Variants in PPFIBP2 observed in about 807,000 individuals in gnomAD.
PPFIBP2 encodes the protein liprin-beta-2.
A neutral mutation model predicts 118.3 loss-of-function variants in PPFIBP2; 118 were observed. That is an observed-to-expected ratio of 1.00 (90% CI 0.86 to 1.16). The LOEUF (loss-of-function observed/expected upper bound fraction) is 1.16. Among genes scored for constraint, PPFIBP2 ranks in the 50% most tolerant of loss-of-function variants. The pLI, the probability that PPFIBP2 is intolerant of heterozygous loss-of-function variation, is 0.00. For synonymous variants in PPFIBP2, 414 were observed against 397.4 expected, an observed-to-expected ratio of 1.04 and a Z score of -0.50; for missense variants, 1,195 against 1,073.1, an observed-to-expected ratio of 1.11 and a Z score of -1.59.
At chr11:7,567,706 G>A (rs946382693) in intron 3 of PPFIBP2, among the ~76,000 whole-genome samples, 6 of 152,148 alleles carry the variant, frequency 3.9e-5, no homozygotes, top group African/African-American at 1.2e-4. Flanking sequence ...AATCTGTATG[G>A]GAATAGAATT....
chr11:7,578,263 C>T (rs1856750660), intron 3 of PPFIBP2, among the ~76,000 whole-genome samples: 1 of 152,216 alleles, frequency 6.6e-6, no homozygotes, highest in Non-Finnish European at 1.5e-5. Flanking sequence ...TCCTAGAATT[C>T]AGGCTGTTTC....
At chr11:7,578,160 C>A (rs6578882) in intron 3 of PPFIBP2, among the ~76,000 whole-genome samples, 56,401 of 152,096 alleles carry the variant, frequency 0.37, 10,671 homozygotes, top group Middle Eastern at 0.47. Flanking sequence ...GTTTATGTTG[C>A]AAGTTGTTCA....
At chr11:7,660,950 A>G (rs1293042811), downstream of PPFIBP2, among the ~76,000 whole-genome samples, 1 of 151,924 alleles carries the variant, frequency 6.6e-6, no homozygotes, top group Non-Finnish European at 1.5e-5. Context: ...TGTTTGTAGT[A>G]TGCTCTGATG....
chr11:7,577,646 A>G, intron 3 of PPFIBP2: 1 of 454,514 alleles, frequency 2.2e-6, no homozygotes, highest in South Asian at 1.6e-5. Flanking sequence ...AGGGTAAGTG[A>G]CTGGCTGCTT....
intron 3 of PPFIBP2, chr11:7,577,395 C>G (rs1200119775): frequency 2.7e-6 from 1 of 366,360 alleles, no homozygotes; most frequent in Non-Finnish European, 5.4e-6. Context: ...GCACGGTCTG[C>G]TCTGTGTCGC....
At position 7,653,616 on chromosome 11, in the gene PPFIBP2, A is replaced by AGGCC; in HGVS notation, c.*399_*402dup. 7.7e-7 allele frequency: 1 copy of AGGCC among 1,296,480 alleles called. No homozygotes were observed. Among genetic ancestry groups the AGGCC allele is most frequent in the Non-Finnish European group, 1.0e-6 (1 of 993,858 alleles). 80.3% of individuals were successfully genotyped at this position (1,296,480 alleles called of 1,614,324 possible). A position where few individuals can be genotyped will look rare whatever the true frequency, so the allele number is the denominator to read the frequency against. On this transcript the variant is annotated 3_prime_UTR_variant, in exon 24 of 24. Transcript: ENST00000299492. ...GTTGAGGGAAAAGCTCAAGTGCCTT[A>AGGCC]GGCCCGTGGACCACAGTCTTGGCTG...
intron 1 of PPFIBP2, among the ~76,000 whole-genome samples, chr11:7,519,891 C>G (rs1487687740): frequency 6.6e-6 from 1 of 152,154 alleles, no homozygotes; most frequent in Non-Finnish European, 1.5e-5. Flanking sequence ...CCCTGTTAAC[C>G]AGGTTCCCGG....
At chr11:7,643,733 CTG>C in intron 17 of PPFIBP2, among the ~76,000 whole-genome samples, 1 of 152,318 alleles carries the variant, frequency 6.6e-6, no homozygotes, top group Admixed American at 6.5e-5. Context: ...AGCTTTAAAA[CTG>C]TTGTTGCTAG....
At chr11:7,600,611 G>A (rs999770116) in intron 5 of PPFIBP2, among the ~76,000 whole-genome samples, 6 of 152,206 alleles carry the variant, frequency 3.9e-5, no homozygotes, top group African/African-American at 1.2e-4. Flanking sequence ...GAGCCAAGGC[G>A]AGCCTGCTGC....
intron 8 of PPFIBP2, among the ~76,000 whole-genome samples, chr11:7,627,401 T>C (rs766069640): frequency 1.1e-4 from 17 of 152,170 alleles, no homozygotes; most frequent in Non-Finnish European, 2.2e-4. Context: ...TCTTGTTAGA[T>C]ACAACAAGCA....
intron 4 of PPFIBP2, 69 bp downstream of exon 4, chr11:7,593,293 G>T: frequency 6.4e-7 from 1 of 1,558,986 alleles, no homozygotes; most frequent in South Asian, 1.2e-5. Context: ...CTAAGTGGAA[G>T]GGAAGCCCAA....
chr11:7,597,873 A>T, intron 5 of PPFIBP2, 200 bp downstream of exon 5: 1 of 549,604 alleles, frequency 1.8e-6, no homozygotes, highest in African/African-American at 1.9e-5. Context: ...TAGGGAAGGG[A>T]AGGGCTGCCC....
chr11:7,542,355 C>G (rs1851880498), intron 1 of PPFIBP2, among the ~76,000 whole-genome samples: 1 of 152,226 alleles, frequency 6.6e-6, no homozygotes, highest in South Asian at 2.1e-4. Flanking sequence ...AATCTTGGCA[C>G]TGTGCCTGCC....
At chr11:7,533,155 G>T (rs1443611043) in intron 1 of PPFIBP2, among the ~76,000 whole-genome samples, 1 of 151,966 alleles carries the variant, frequency 6.6e-6, no homozygotes, top group African/African-American at 2.4e-5. Context: ...GAATACAATT[G>T]CATCCATCAG....
At chr11:7,574,822 G>T (rs938668380) in intron 3 of PPFIBP2, among the ~76,000 whole-genome samples, 2 of 152,058 alleles carry the variant, frequency 1.3e-5, no homozygotes, top group Non-Finnish European at 2.9e-5. Flanking sequence ...GTCTTTTGGG[G>T]TGTTAATTTG....
At chr11:7,594,916 CAA>C (rs58084975) in intron 4 of PPFIBP2, among the ~76,000 whole-genome samples, 1,113 of 63,948 alleles carry the variant, frequency 0.017, 8 homozygotes, top group African/African-American at 0.06. Flanking sequence ...GACTCCATCT[CAA>C]AAAAAAAAAA....
At chr11:7,544,247 A>C (rs1315044638) in intron 1 of PPFIBP2, among the ~76,000 whole-genome samples, 1 of 152,206 alleles carries the variant, frequency 6.6e-6, no homozygotes, top group Non-Finnish European at 1.5e-5. Context: ...CATTAGGGTC[A>C]AAATGCCAGC....
chr11:7,655,015 A>G (rs774463200), downstream of PPFIBP2, among the ~76,000 whole-genome samples: 1 of 152,134 alleles, frequency 6.6e-6, no homozygotes, highest in Admixed American at 6.5e-5. Flanking sequence ...ATGCCCACCT[A>G]TGTCAGGGCA....
chr11:7,577,313 GTA>G (rs1856492000), intron 3 of PPFIBP2: 1 of 277,902 alleles, frequency 3.6e-6, no homozygotes, highest in Non-Finnish European at 7.2e-6. Flanking sequence ...GTGCGTGCAT[GTA>G]TGTGCGTGTG....
Sources: allele counts gnomAD v4.1 joint callset (sites outside exome capture counted in the v4.1 genomes callset), GRCh38; gene constraint gnomAD v4.1.1; transcripts MANE v1.5; gene names NCBI Gene and HGNC (gene_info 2026-07-23, HGNC 2026-07-21).